The following LRRC4C variants were observed in gnomAD, a reference collection of about 807,000 sequenced individuals.
LRRC4C encodes the protein leucine rich repeat containing 4C, also known as leucine-rich repeat-containing protein 4C.
LRRC4C carries 5 observed loss-of-function variants against 33.6 expected under a neutral mutation model. That is an observed-to-expected ratio of 0.15 (90% CI 0.08 to 0.31). The LOEUF (loss-of-function observed/expected upper bound fraction) is 0.31, where lower values mean the gene tolerates loss of function less well. LRRC4C is among the 10% of genes least tolerant of loss of function. The probability of loss-of-function intolerance (pLI) is 1.00; values close to 1 mark genes in which losing one functional copy is unlikely to be tolerated. For missense variants in LRRC4C, 560 were observed against 796.7 expected (o/e 0.70, Z 3.58); for synonymous variants, 329 against 302.0 (o/e 1.09, Z -0.93).
chr11:40,582,757 T>C (rs1229829332), intron 3 of LRRC4C, among the ~76,000 whole-genome samples: 1 of 152,060 alleles, frequency 6.6e-6, no homozygotes, highest in South Asian at 2.1e-4. Context: ...CCTCAGGTGA[T>C]CCACCCACCT....
In LRRC4C at chr11:40,156,030, T is replaced by C. The variant is rs370109369; in HGVS notation, c.-95-15177A>G. Among the ~76,000 whole-genome samples the C allele has an allele frequency of 2.4e-4, 36 of 152,232 alleles. 2 individuals are homozygous for C. Among genetic ancestry groups the C allele is most frequent in the African/African-American group, 8.7e-4 (36 of 41,552 alleles). ...GATCAAGTGTGTCTCATACCATAGA[T>C]GCAGGGATGGTTTAACATACGCACG... On this transcript the variant is annotated intron_variant, in intron 5 of 6. Coordinates refer to ENST00000528697, the MANE Select transcript of LRRC4C (RefSeq NM_001258419.2).
At chr11:41,322,329 A>G (rs1479817481) in intron 1 of LRRC4C, among the ~76,000 whole-genome samples, 2 of 151,936 alleles carry the variant, frequency 1.3e-5, no homozygotes, top group African/African-American at 4.8e-5. Flanking sequence ...GTTTTTGAAT[A>G]CCACTAATTT....
At chr11:40,513,248 C>CAAAAAA (rs1171178910) in intron 3 of LRRC4C, among the ~76,000 whole-genome samples, 33 of 54,630 alleles carry the variant, frequency 6.0e-4, no homozygotes, top group African/African-American at 1.1e-3. Flanking sequence ...GACTCCGTCT[C>CAAAAAA]AAAAAAAAAA....
intron 1 of LRRC4C, among the ~76,000 whole-genome samples, chr11:40,958,562 G>A (rs946781100): frequency 1.3e-5 from 2 of 151,676 alleles, no homozygotes; most frequent in African/African-American, 4.8e-5. Flanking sequence ...CTAATGTTGG[G>A]TAAGCGCATA....
chr11:41,003,560 T>C (rs940454903), intron 1 of LRRC4C, among the ~76,000 whole-genome samples: 4 of 152,054 alleles, frequency 2.6e-5, no homozygotes, highest in Non-Finnish European at 5.9e-5. Flanking sequence ...ATTGACAAGA[T>C]AAAAAGGCAC....
intron 4 of LRRC4C, among the ~76,000 whole-genome samples, chr11:40,250,940 A>G (rs1866741462): frequency 6.6e-6 from 1 of 152,126 alleles, no homozygotes; most frequent in African/African-American, 2.4e-5. Context: ...ACATTTATCT[A>G]TTTCCTGAGC....
intron 3 of LRRC4C, among the ~76,000 whole-genome samples, chr11:40,359,724 G>T (rs1337893862): frequency 6.6e-6 from 1 of 152,154 alleles, no homozygotes; most frequent in Non-Finnish European, 1.5e-5. Context: ...AGCGCTAAAA[G>T]CTGTAAACAG....
intron 1 of LRRC4C, among the ~76,000 whole-genome samples, chr11:41,109,192 C>A (rs1941684877): frequency 6.6e-6 from 1 of 151,954 alleles, no homozygotes; most frequent in African/African-American, 2.4e-5. Context: ...CATTTAGTTA[C>A]CCTGTACTTT....
intron 5 of LRRC4C, among the ~76,000 whole-genome samples, chr11:40,207,142 G>A (rs898887875): frequency 3.3e-5 from 5 of 152,096 alleles, no homozygotes; most frequent in Non-Finnish European, 2.9e-5. Context: ...TATATTGTAC[G>A]GAACTGTCAT....
At chr11:40,429,518 A>G (rs1950836202) in intron 3 of LRRC4C, among the ~76,000 whole-genome samples, 1 of 152,032 alleles carries the variant, frequency 6.6e-6, no homozygotes. Context: ...TCATTGACCT[A>G]AGGATTCATC....
chr11:40,868,288 A>G (rs769447703), intron 2 of LRRC4C, among the ~76,000 whole-genome samples: 6 of 152,184 alleles, frequency 3.9e-5, no homozygotes, highest in African/African-American at 7.2e-5. Flanking sequence ...TTTAATTGCC[A>G]TAATGGCTTA....
chr11:40,376,228 T>G (rs1440391494), intron 3 of LRRC4C, among the ~76,000 whole-genome samples: 1 of 152,150 alleles, frequency 6.6e-6, no homozygotes, highest in Non-Finnish European at 1.5e-5. Context: ...CAATATCCAC[T>G]CATGATAACC....
chr11:41,013,447 A>G (rs951670083), intron 1 of LRRC4C, among the ~76,000 whole-genome samples: 5 of 152,214 alleles, frequency 3.3e-5, no homozygotes, highest in Admixed American at 6.5e-5. Context: ...ATATGAATAC[A>G]TAGACATCTT....
At chr11:41,289,133 G>T (rs1363637680) in intron 1 of LRRC4C, among the ~76,000 whole-genome samples, 1 of 152,072 alleles carries the variant, frequency 6.6e-6, no homozygotes. Flanking sequence ...GGATACCAGG[G>T]TGTTGGAATC....
intron 5 of LRRC4C, among the ~76,000 whole-genome samples, chr11:40,142,155 G>T (rs377488940): frequency 4.0e-5 from 6 of 151,738 alleles, no homozygotes; most frequent in African/African-American, 1.5e-4. Flanking sequence ...GGTGGTGCAC[G>T]CCTGTAGTCC....
At chr11:40,180,663 T>C (rs753701137) in intron 5 of LRRC4C, among the ~76,000 whole-genome samples, 6 of 152,220 alleles carry the variant, frequency 3.9e-5, no homozygotes, top group Admixed American at 6.5e-5. Context: ...TTCTTTTGTG[T>C]CTGTTACTGC....
chr11:40,676,910 C>T (rs568140725), intron 2 of LRRC4C, among the ~76,000 whole-genome samples: 1 of 152,230 alleles, frequency 6.6e-6, no homozygotes, highest in African/African-American at 2.4e-5. Context: ...TCCCAATTTA[C>T]CTCTCAAATG....
intron 1 of LRRC4C, among the ~76,000 whole-genome samples, chr11:41,340,192 C>T (rs980154235): frequency 3.9e-5 from 6 of 152,084 alleles, no homozygotes; most frequent in Admixed American, 1.3e-4. Flanking sequence ...TTTCCCAACC[C>T]TATAAAAATA....
At chr11:40,951,993 T>C (rs1272912118) in intron 1 of LRRC4C, among the ~76,000 whole-genome samples, 1 of 151,976 alleles carries the variant, frequency 6.6e-6, no homozygotes, top group Non-Finnish European at 1.5e-5. Context: ...AAATTTGCTC[T>C]AAGGGTTAAA....
Sources: allele counts gnomAD v4.1 joint callset (sites outside exome capture counted in the v4.1 genomes callset), GRCh38; gene constraint gnomAD v4.1.1; transcripts MANE v1.5; gene names NCBI Gene and HGNC (gene_info 2026-07-23, HGNC 2026-07-21).